Variants in EYS observed in about 807,000 individuals in gnomAD.
The protein encoded by EYS is EGF-like photoreceptor maintenance factor.
Under a neutral mutation model 282.1 loss-of-function variants are expected in EYS, and 250 were observed. The ratio of observed to expected loss-of-function variants is 0.89; its 90% confidence interval spans 0.80 to 0.98. The LOEUF is 0.98. EYS is among the 50% of genes least tolerant of loss of function. EYS has a pLI of 0.00. For missense variants in EYS, 4,016 were observed against 3,709.0 expected (o/e 1.08, Z -2.15); for synonymous variants, 1,355 against 1,282.9 (o/e 1.06, Z -1.20).
chr6:65,443,169 C>CAT (rs149966648), intron 5 of EYS, among the ~76,000 whole-genome samples: 23,781 of 143,992 alleles, frequency 0.17, 2,810 homozygotes, highest in Middle Eastern at 0.27. Context: ...TATATGAGCA[C>CAT]ATATGTGCAC....
At chr6:64,677,788 T>G (rs1769746470) in intron 22 of EYS, among the ~76,000 whole-genome samples, 1 of 152,080 alleles carries the variant, frequency 6.6e-6, no homozygotes, top group Non-Finnish European at 1.5e-5. Flanking sequence ...TGGGGTTTCT[T>G]TTTTCACCTC....
intron 11 of EYS, among the ~76,000 whole-genome samples, chr6:65,301,587 C>T (rs1345598995): frequency 5.9e-5 from 9 of 152,224 alleles, no homozygotes; most frequent in Non-Finnish European, 1.3e-4. Flanking sequence ...GTCATCGGTT[C>T]GGGTCCCACT....
Position 65,344,151 on chromosome 6 carries a change from C to A in EYS, c.1486G>T (p.Val496Phe). Reference protein sequence around the residue: ...AGSEGEKCQGVIDAYFFLAAN... With the variant: ...AGSEGEKCQGFIDAYFFLAAN... ...GCCAGAAAGAAATAGGCATCAATAA[C>A]CCCTTGGCACTTTTCGCCTTCAGAT... Residue 496 changes from valine (V) to phenylalanine (F), a missense_variant, in exon 10 of 43, where the codon GTT (valine) becomes TTT (phenylalanine). Coordinates refer to ENST00000503581, the MANE Select transcript of EYS (RefSeq NM_001142800.2). The A allele has an allele frequency of 6.2e-7, 1 of 1,610,086 alleles. No individual in the cohort carries two copies. The highest frequency in any genetic ancestry group is 8.5e-7 in the Non-Finnish European group (1 of 1,177,552).
chr6:63,722,609 A>G (rs1316546693), intron 42 of EYS, among the ~76,000 whole-genome samples: 3 of 152,338 alleles, frequency 2.0e-5, no homozygotes, highest in East Asian at 3.9e-4. Context: ...GGATAGCAAA[A>G]TGACTTATTA....
At position 65,172,981 on chromosome 6, in the gene EYS, T is replaced by TA. The variant is rs575895932; in HGVS notation, c.2024-115255_2024-115254insT. Among the ~76,000 whole-genome samples the TA allele has an allele frequency of 3.2e-4, 41 of 127,282 alleles. 1 individual carries two copies. In the South Asian group the frequency reaches 9.1e-3, roughly 28 times the overall value. The allele number at this position is 127,282 out of a possible 152,430, so 83.5% of individuals were successfully genotyped here. ...AATATGAGCCCTAAAGCCTGGAAAT[T>TA]TAAAAAAAAAAAAACTTAGAGCCTT... On this transcript the variant is annotated intron_variant, in intron 12 of 42. Coordinates refer to ENST00000503581, the MANE Select transcript of EYS (RefSeq NM_001142800.2).
chr6:64,717,101 C>T (rs982532348), intron 22 of EYS, among the ~76,000 whole-genome samples: 4 of 152,010 alleles, frequency 2.6e-5, no homozygotes, highest in African/African-American at 9.7e-5. Flanking sequence ...TTACCAAAAC[C>T]GTGACTGAGA....
At chr6:65,066,938 A>G (rs1194474436) in intron 12 of EYS, among the ~76,000 whole-genome samples, 1 of 152,168 alleles carries the variant, frequency 6.6e-6, no homozygotes, top group African/African-American at 2.4e-5. Flanking sequence ...AGCATATAGA[A>G]TTATTATTCC....
chr6:64,286,035 T>C (rs1768487448), intron 30 of EYS, among the ~76,000 whole-genome samples: 1 of 152,212 alleles, frequency 6.6e-6, no homozygotes, highest in Admixed American at 6.5e-5. Flanking sequence ...ATGCCACATA[T>C]GTTATATTAG....
intron 35 of EYS, among the ~76,000 whole-genome samples, chr6:63,879,502 A>G (rs1307752761): frequency 6.6e-6 from 1 of 152,150 alleles, no homozygotes; most frequent in Non-Finnish European, 1.5e-5. Flanking sequence ...TTTGCACTAA[A>G]AGCTTTTATC....
intron 12 of EYS, among the ~76,000 whole-genome samples, chr6:65,196,821 G>A (rs1485574304): frequency 6.6e-6 from 1 of 152,060 alleles, no homozygotes; most frequent in Non-Finnish European, 1.5e-5. Flanking sequence ...AAACAAGGGA[G>A]TAATAATTGC....
chr6:65,286,599 T>C (rs1383578262), intron 12 of EYS, among the ~76,000 whole-genome samples: 2 of 151,730 alleles, frequency 1.3e-5, no homozygotes, highest in African/African-American at 2.4e-5. Context: ...ACATAAGTTA[T>C]AGAAATGAAT....
intron 7 of EYS, among the ~76,000 whole-genome samples, chr6:65,387,735 T>TA (rs1765854647): frequency 1.3e-5 from 2 of 151,998 alleles, no homozygotes; most frequent in African/African-American, 4.8e-5. Flanking sequence ...TAACTTGAAA[T>TA]ACTCTCATCA....
chr6:65,004,955 T>C (rs1286756548), intron 13 of EYS, among the ~76,000 whole-genome samples: 3 of 148,328 alleles, frequency 2.0e-5, no homozygotes, highest in Non-Finnish European at 4.5e-5. Flanking sequence ...TCAACAATGT[T>C]CTCTGAAGAC....
chr6:64,369,617 C>A (rs749888036), intron 29 of EYS, among the ~76,000 whole-genome samples: 3 of 151,878 alleles, frequency 2.0e-5, no homozygotes, highest in African/African-American at 7.2e-5. Context: ...ATTTAGAAGT[C>A]TTTCACCTCT....
intron 22 of EYS, among the ~76,000 whole-genome samples, chr6:64,641,704 C>T (rs1768157694): frequency 6.6e-6 from 1 of 152,122 alleles, no homozygotes; most frequent in African/African-American, 2.4e-5. Context: ...GGTCCATGGC[C>T]TGTTAGGAAC....
At chr6:64,557,192 A>G (rs1030029371) in intron 26 of EYS, among the ~76,000 whole-genome samples, 4 of 136,950 alleles carry the variant, frequency 2.9e-5, no homozygotes, top group African/African-American at 1.1e-4. Flanking sequence ...GATTTGGAAA[A>G]CACACACAGA....
intron 26 of EYS, among the ~76,000 whole-genome samples, chr6:64,518,483 C>T (rs560081634): frequency 3.2e-4 from 49 of 151,894 alleles, no homozygotes; most frequent in Non-Finnish European, 5.7e-4. Context: ...CTGAAGAACT[C>T]TCTTGTAAGC....
rs1444239296 is a variant in EYS at position 64,886,681 on chromosome 6, A to G, written c.2992+16T>C. 2 of 1,530,098 alleles carry G rather than the reference A, an allele frequency of 1.3e-6. No homozygotes were observed. The highest frequency in any genetic ancestry group is 2.1e-5 in the Admixed American group (1 of 47,968). The allele number at this position is 1,530,098 out of a possible 1,614,324, so 94.8% of individuals were successfully genotyped here. A position where few individuals can be genotyped will look rare whatever the true frequency, so the allele number is the denominator to read the frequency against. ...ACAGAAATATGTTGCTGCACATGGG[A>G]CAGATATGGATTTACCTGTATAACC... On this transcript the variant is annotated intron_variant, in intron 19 of 42. Coordinates refer to ENST00000503581, the MANE Select transcript of EYS (RefSeq NM_001142800.2).
chr6:64,912,717 C>A lies in EYS; in HGVS notation c.2408G>T (p.Gly803Val). ...ATTTATTTCTTCACTACAGTTCTGTCCAGTCCATCCAGATGTACACTCACA... is the reference window on the plus strand; with the variant it reads ...ATTTATTTCTTCACTACAGTTCTGTACAGTCCATCCAGATGTACACTCACA... ...YRCECTSGWT[G>V]QNCSEEINEC... The change falls in exon 16 of 43, where the codon GGA becomes GTA. Residue 803 changes from glycine to valine, a missense_variant. Transcript: ENST00000503581. 1 of 1,447,630 alleles carries A rather than the reference C, an allele frequency of 6.9e-7. No individual in the cohort carries two copies. 89.7% of individuals were successfully genotyped at this position (1,447,630 alleles called of 1,614,324 possible).
Sources: allele counts gnomAD v4.1 joint callset (sites outside exome capture counted in the v4.1 genomes callset), GRCh38; gene constraint gnomAD v4.1.1; transcripts MANE v1.5; gene names NCBI Gene and HGNC (gene_info 2026-07-23, HGNC 2026-07-21).